The following VWCE variants were observed in gnomAD, a reference collection of about 807,000 sequenced individuals.
The protein encoded by VWCE is von Willebrand factor C and EGF domain-containing protein.
In VWCE, 68 loss-of-function variants were observed where a neutral mutation model predicts 102.9. The observed-to-expected ratio is 0.66, with a 90% confidence interval of 0.54 to 0.81. VWCE has a LOEUF of 0.81. Ranked by LOEUF, VWCE falls within the 30% of genes least tolerant of loss-of-function variation. VWCE has a pLI of 0.00. For synonymous variants in VWCE, 497 were observed against 515.4 expected, an observed-to-expected ratio of 0.96 and a Z score of 0.48; for missense variants, 1,137 against 1,263.6, an observed-to-expected ratio of 0.90 and a Z score of 1.52.
chr11:61,286,225 C>T, intron 5 of VWCE, 89 bp downstream of exon 5: 1 of 1,235,568 alleles, frequency 8.1e-7, no homozygotes, highest in Non-Finnish European at 1.2e-6. Flanking sequence ...GCACACAGAG[C>T]ACACTGCACT....
intron 4 of VWCE, among the ~76,000 whole-genome samples, chr11:61,288,155 CAAAAA>C (rs397978316): frequency 4.6e-4 from 17 of 37,260 alleles, no homozygotes; most frequent in African/African-American, 1.4e-3. Context: ...GACTCTGTCT[CAAAAA>C]AAAAAAAAAA....
chr11:61,264,419 G>T, intron 19 of VWCE, 68 bp downstream of exon 19: 1 of 1,466,156 alleles, frequency 6.8e-7, no homozygotes, highest in Non-Finnish European at 9.4e-7. Flanking sequence ...CAAGTTCTAT[G>T]TACCGGGGAA....
intron 12 of VWCE, 87 bp from the exon 13 acceptor site, chr11:61,273,403 C>T: frequency 8.0e-7 from 1 of 1,249,044 alleles, no homozygotes; most frequent in Non-Finnish European, 1.1e-6. Flanking sequence ...GGCTGCCTGC[C>T]ATCACCCTCC....
chr11:61,278,525 A>G (rs1470465844), intron 9 of VWCE, 49 bp from the exon 10 acceptor site: 2 of 1,553,348 alleles, frequency 1.3e-6, no homozygotes, highest in East Asian at 2.2e-5. Context: ...TTCAAAGAAG[A>G]GGAAACTTGA....
In VWCE at chr11:61,280,638, C is replaced by A. The variant is rs2134811069; in HGVS notation, c.1310G>T (p.Cys437Phe). 6.2e-7 allele frequency: 1 copy of A among 1,614,076 alleles called. No homozygotes were observed. Among genetic ancestry groups the A allele is most frequent in the South Asian group, 1.1e-5 (1 of 91,068 alleles). ...CCAGCTCTCACCTGTGCACGATGGG[C>A]AGCACCCACCATCTCTGGAGGGAAT... ...HPIPSRDGGC[C>F]PSCTGCFHSG... The change falls in exon 9 of 20, where the codon TGC becomes TTC. Residue 437 changes from cysteine to phenylalanine, a missense_variant. By Grantham distance (205) the Cys-to-Phe change is radical. This residue lies in a region of VWCE where 575 missense variants were observed against 625.9 expected (regional missense o/e 0.92). Transcript: ENST00000335613.
chr11:61,293,889 G>C lies in VWCE; in HGVS notation c.110+1039C>G, dbSNP rs138860211. ...TCTCTGAGGTCATCACAGAAGAAAGGGGGGGCCCTCCTGCTGGCGGGAGCT... is the reference window on the plus strand; with the variant it reads ...TCTCTGAGGTCATCACAGAAGAAAGCGGGGGCCCTCCTGCTGGCGGGAGCT... On this transcript the variant is annotated intron_variant, in intron 1 of 19. Coordinates refer to ENST00000335613, the MANE Select transcript of VWCE (RefSeq NM_152718.2). Among the ~76,000 whole-genome samples, 205 of 152,274 alleles carry C rather than the reference G, an allele frequency of 1.3e-3. 5 individuals carry two copies. In the East Asian group the frequency reaches 0.025, roughly 18 times the overall value.
rs761716593 is a variant in VWCE, at chr11:61,281,881, C to T, written c.692G>A (p.Arg231Gln). ...GTTGTGGCAGGAATGGTGACAGACTCGCCTCTCCAATGGCCTCCGACACTC... is the reference window on the plus strand; with the variant it reads ...GTTGTGGCAGGAATGGTGACAGACTTGCCTCTCCAATGGCCTCCGACACTC... Reference protein sequence around the residue: ...VNECRRPLERRVCHHSCHNTV... With the variant: ...VNECRRPLERQVCHHSCHNTV... Residue 231 changes from arginine to glutamine, a missense_variant, in exon 7 of 20, where the codon CGA becomes CAA. This residue lies in a region of VWCE where 575 missense variants were observed against 625.9 expected (regional missense o/e 0.92). Coordinates refer to ENST00000335613, the MANE Select transcript of VWCE (RefSeq NM_152718.2). 1.7e-5 allele frequency: 27 copies of T among 1,613,696 alleles called. No homozygotes were observed. Among genetic ancestry groups the T allele is most frequent in the Non-Finnish European group, 2.1e-5 (25 of 1,179,868 alleles).
intron 4 of VWCE, among the ~76,000 whole-genome samples, chr11:61,288,614 C>G (rs1377967697): frequency 6.6e-6 from 1 of 152,202 alleles, no homozygotes; most frequent in African/African-American, 2.4e-5. Flanking sequence ...TGTTCTCTGG[C>G]TTTTCCTTGG....
chr11:61,273,454 G>A, intron 12 of VWCE, 138 bp from the exon 13 acceptor site: 1 of 790,214 alleles, frequency 1.3e-6, no homozygotes, highest in South Asian at 1.9e-5. Flanking sequence ...CTACTAAAGT[G>A]AAACTGACAA....
At chr11:61,287,240 C>G (rs1335893520) in intron 4 of VWCE, among the ~76,000 whole-genome samples, 1 of 152,166 alleles carries the variant, frequency 6.6e-6, no homozygotes, top group African/African-American at 2.4e-5. Context: ...CCCACCTGCA[C>G]CCCAGGAAAA....
intron 7 of VWCE, among the ~76,000 whole-genome samples, 181 bp downstream of exon 7, chr11:61,281,605 G>A (rs972089646): frequency 1.3e-5 from 2 of 152,158 alleles, no homozygotes; most frequent in Non-Finnish European, 2.9e-5. Context: ...CAAGGGCAGA[G>A]CAGAAAGGGA....
chr11:61,287,983 G>T (rs748745080), intron 4 of VWCE, among the ~76,000 whole-genome samples: 1 of 151,402 alleles, frequency 6.6e-6, no homozygotes, highest in African/African-American at 2.4e-5. Context: ...GTGAAACCCC[G>T]TCTCTACTAA....
intron 14 of VWCE, among the ~76,000 whole-genome samples, chr11:61,270,004 G>A (rs542284482): frequency 6.2e-5 from 9 of 146,040 alleles, no homozygotes; most frequent in African/African-American, 1.8e-4. Flanking sequence ...TGCAAGCTCC[G>A]CCTCCCGGGT....
intron 14 of VWCE, 151 bp from the exon 15 acceptor site, chr11:61,269,169 A>G (rs1000291661): frequency 1.5e-5 from 10 of 661,692 alleles, no homozygotes; most frequent in Middle Eastern, 8.0e-4. Context: ...TCTCCCCTAA[A>G]GAGGATCGGC....
Position 61,276,640 on chromosome 11 carries a change from C to A in VWCE, c.1448G>T (p.Gly483Val). 6.2e-7 allele frequency: 1 copy of A among 1,606,604 alleles called. No homozygotes were observed. Among genetic ancestry groups the A allele is most frequent in the Non-Finnish European group, 8.5e-7 (1 of 1,176,594 alleles). The change falls in exon 11 of 20, where the codon GGC (glycine) becomes GTC (valine). Residue 483 changes from glycine to valine, a missense_variant. Transcript: ENST00000335613. ...CGTCTGTGGGGGGGTCTGACAGGGG[C>A]CAGAAGGACACTCAGGAGAGATGCA... ...VSCISPECPS[G>V]PCQTPPQTDC...
At chr11:61,292,180 G>A (rs1026542266) in intron 1 of VWCE, among the ~76,000 whole-genome samples, 1 of 151,180 alleles carries the variant, frequency 6.6e-6, no homozygotes, top group African/African-American at 2.4e-5. Flanking sequence ...CCAAGTTGGC[G>A]CCACTGCCCT....
At chr11:61,263,988 G>A (rs542214212) in intron 19 of VWCE, among the ~76,000 whole-genome samples, 39 of 152,182 alleles carry the variant, frequency 2.6e-4, no homozygotes, top group African/African-American at 8.9e-4. Flanking sequence ...CACTTTGGGA[G>A]GCTGAGGCGG....
Position 61,268,916 on chromosome 11 carries a change from G to T in VWCE, c.1882+6C>A, listed in dbSNP as rs764446197. On this transcript the variant is annotated splice_donor_region_variant and intron_variant, in intron 15 of 19. Coordinates refer to ENST00000335613, the MANE Select transcript of VWCE (RefSeq NM_152718.2). ...CTGGGGGCTTGGGGCAGAGGCAGGG[G>T]ATTACCTGCTGAACAGTCTGGGCAG... is the stretch of plus-strand genomic sequence containing the variant. 2 of 1,613,876 alleles carry T rather than the reference G, an allele frequency of 1.2e-6. No homozygotes were observed. Among genetic ancestry groups the T allele is most frequent in the East Asian group, 2.2e-5 (1 of 44,892 alleles).
chr11:61,258,706 C>T lies in VWCE; in HGVS notation c.2837G>A (p.Gly946Glu), dbSNP rs766219701. The part of the protein sequence containing the change: ...THPGPQQPPV[G>E]ASRGEESTM ...GGTGGACTCTTCCCCCCGAGAAGCC[C>T]CCACTGGGGGCTGCTGGGGGCCAGG... Residue 946 changes from glycine to glutamate, a missense_variant, in exon 20 of 20, where the codon GGG becomes GAG. By Grantham distance (98) the Gly-to-Glu change is moderately conservative. Coordinates refer to ENST00000335613, the MANE Select transcript of VWCE (RefSeq NM_152718.2). The T allele has an allele frequency of 1.4e-6, 2 of 1,393,726 alleles. No individual in the cohort carries two copies. Among genetic ancestry groups the T allele is most frequent in the Non-Finnish European group, 9.3e-7 (1 of 1,070,554 alleles). 86.3% of individuals were successfully genotyped at this position (1,393,726 alleles called of 1,614,324 possible).
Sources: gnomAD v4.1 joint callset for allele counts (sites outside exome capture counted in the v4.1 genomes callset) on GRCh38, gnomAD v4.1.1 for gene constraint, gnomAD v4.1.1 regional missense constraint, MANE v1.5 for transcripts, NCBI Gene and HGNC (gene_info 2026-07-23, HGNC 2026-07-21) for gene names.